The following COPS4 variants were observed in gnomAD, a reference collection of about 807,000 sequenced individuals.
COPS4 encodes COP9 signalosome complex subunit 4.
COPS4 carries 8 observed loss-of-function variants against 55.1 expected under a neutral mutation model. That is an observed-to-expected ratio of 0.15 (90% CI 0.09 to 0.26). The LOEUF (loss-of-function observed/expected upper bound fraction) is 0.26, where lower values mean the gene tolerates loss of function less well. COPS4 is among the 10% of genes least tolerant of loss of function. The probability of loss-of-function intolerance (pLI) is 1.00; values close to 1 mark genes in which losing one functional copy is unlikely to be tolerated. For missense variants in COPS4, 248 were observed against 484.0 expected (o/e 0.51, Z 4.58); for synonymous variants, 185 against 165.7 (o/e 1.12, Z -0.90).
At position 83,057,031 on chromosome 4, in the gene COPS4, G is replaced by A. The variant is rs755483795; in HGVS notation, c.516G>A (p.Ser172=). The A allele has an allele frequency of 3.0e-5, 49 of 1,613,872 alleles. No homozygotes were observed. The East Asian group carries it at 4.2e-4, about 14-fold the overall frequency. The change falls in exon 5 of 10, where the codon TCG becomes TCA. Residue 172 remains serine, a synonymous_variant. Transcript: ENST00000264389. ...VQAEAYINRA[S]LLQNESTNEQ... is the part of the protein sequence containing the mutation. The stretch of plus-strand genomic sequence containing the variant: ...CAGAGGCTTACATAAATCGAGCATC[G>A]TTGCTTCAGAATGAATCAACCAATG...
chr4:83,060,974 C>T (rs901616866), intron 6 of COPS4, among the ~76,000 whole-genome samples: 3 of 151,116 alleles, frequency 2.0e-5, no homozygotes, highest in African/African-American at 7.3e-5. Flanking sequence ...GCAGAGATTG[C>T]AGCGAGCTGA....
chr4:83,065,518 A>G (rs992581789), intron 7 of COPS4, among the ~76,000 whole-genome samples: 1 of 152,198 alleles, frequency 6.6e-6, no homozygotes, highest in African/African-American at 2.4e-5. Context: ...CTTCCCTTGA[A>G]GTCTCCAAGT....
intron 1 of COPS4, among the ~76,000 whole-genome samples, chr4:83,044,116 A>G (rs937038272): frequency 8.5e-5 from 13 of 152,220 alleles, no homozygotes; most frequent in Admixed American, 8.5e-4. Context: ...TTGCAATGCT[A>G]TGAGGTTTGT....
Position 83,075,477 on chromosome 4 carries a change from CA to C in COPS4, c.*48del. ...ACATGACATCTTTTTCCATGTTGTG[CA>C]GATCAGTTTCACTATCTCCAAAGCA... On this transcript the variant is annotated 3_prime_UTR_variant, in exon 10 of 10. Coordinates refer to ENST00000264389, the MANE Select transcript of COPS4 (RefSeq NM_016129.3). 6.2e-7 allele frequency: 1 copy of C among 1,607,712 alleles called. No individual in the cohort carries two copies. Among genetic ancestry groups the C allele is most frequent in the South Asian group, 1.1e-5 (1 of 90,298 alleles).
At position 83,035,197 on chromosome 4, in the gene COPS4, C is replaced by T. The variant is rs1363821079; in HGVS notation, c.-28C>T. 4.5e-6 allele frequency: 7 copies of T among 1,538,842 alleles called. No homozygotes were observed. The Admixed American group carries it at 5.2e-5, about 12-fold the overall frequency. ...TTTTCTTTTTGGCTGCCAGAGGCCC[C>T]CGCATCCACCGCTGAGCTGGGAGAA... On this transcript the variant is annotated 5_prime_UTR_variant, in exon 1 of 10. Transcript: ENST00000264389.
chr4:83,042,753 C>G (rs2126127902), intron 1 of COPS4, among the ~76,000 whole-genome samples: 1 of 152,132 alleles, frequency 6.6e-6, no homozygotes, highest in East Asian at 1.9e-4. Context: ...CAGGTGTGTG[C>G]CACAATGCCT....
At chr4:83,058,041 T>C (rs1023874646) in intron 6 of COPS4, among the ~76,000 whole-genome samples, 7 of 151,188 alleles carry the variant, frequency 4.6e-5, no homozygotes, top group Non-Finnish European at 8.8e-5. Context: ...AATCTATAGA[T>C]TGATGAAATG....
intron 4 of COPS4, among the ~76,000 whole-genome samples, chr4:83,050,881 G>C (rs1560437835): frequency 6.6e-6 from 1 of 152,090 alleles, no homozygotes; most frequent in Non-Finnish European, 1.5e-5. Flanking sequence ...GAAATGATCT[G>C]ACTTCTGTTT....
chr4:83,046,126 C>A (rs1730706178), intron 2 of COPS4, among the ~76,000 whole-genome samples: 1 of 151,546 alleles, frequency 6.6e-6, no homozygotes, highest in South Asian at 2.1e-4. Context: ...TAGTACAGTA[C>A]TGTACTTTGA....
intron 1 of COPS4, among the ~76,000 whole-genome samples, chr4:83,044,282 CA>C (rs1295053714): frequency 3.4e-5 from 5 of 147,874 alleles, no homozygotes; most frequent in Non-Finnish European, 7.4e-5. Context: ...CCATCTCTAC[CA>C]AAAATACAAA....
chr4:83,041,592 G>A (rs1004906275), intron 1 of COPS4, among the ~76,000 whole-genome samples: 4 of 151,836 alleles, frequency 2.6e-5, no homozygotes, highest in South Asian at 4.1e-4. Context: ...TCAGCCTCCC[G>A]TGTAGCTGGG....
intron 6 of COPS4, among the ~76,000 whole-genome samples, chr4:83,057,947 TAAAAG>T (rs1218307262): frequency 6.7e-6 from 1 of 149,660 alleles, no homozygotes; most frequent in Non-Finnish European, 1.5e-5. Flanking sequence ...AAAGAATAGT[TAAAAG>T]AGATAATATA....
chr4:83,064,942 C>T, intron 7 of COPS4: 1 of 169,666 alleles, frequency 5.9e-6, no homozygotes, highest in Middle Eastern at 3.6e-3. Flanking sequence ...CAGGCTGGCG[C>T]TGGCATGATG....
chr4:83,052,289 T>C lies in COPS4; in HGVS notation c.410+2305T>C, dbSNP rs534269990. ...AAAGCAAAAATTTGATATAGGGGAA[T>C]TGGGGAGAGGATTCTTGCAGGAGTA... On this transcript the variant is annotated intron_variant, in intron 4 of 9. Transcript: ENST00000264389. Among the ~76,000 whole-genome samples, 61 of 152,102 alleles carry C rather than the reference T, an allele frequency of 4.0e-4. 2 individuals carry two copies. In the South Asian group the frequency reaches 0.012, roughly 29 times the overall value.
At chr4:83,067,764 A>G (rs1731324323) in intron 8 of COPS4, among the ~76,000 whole-genome samples, 2 of 152,142 alleles carry the variant, frequency 1.3e-5, no homozygotes, top group African/African-American at 4.8e-5. Context: ...GGTTTAAGTT[A>G]CCATTAAAAG....
rs767561954 is a variant in COPS4, at chr4:83,035,194, C to T, written c.-31C>T. 1.6e-5 allele frequency: 25 copies of T among 1,528,270 alleles called. No individual in the cohort carries two copies. Among genetic ancestry groups the T allele is most frequent in the African/African-American group, 2.7e-5 (2 of 72,988 alleles). 94.7% of individuals were successfully genotyped at this position (1,528,270 alleles called of 1,614,324 possible). On this transcript the variant is annotated 5_prime_UTR_variant, in exon 1 of 10. Transcript: ENST00000264389. ...TCGTTTTCTTTTTGGCTGCCAGAGG[C>T]CCCCGCATCCACCGCTGAGCTGGGA...
chr4:83,070,070 A>G (rs1578722573), intron 9 of COPS4, among the ~76,000 whole-genome samples: 2 of 149,984 alleles, frequency 1.3e-5, no homozygotes, highest in East Asian at 2.0e-4. Context: ...TTGATCTCTC[A>G]CTACTTTTTG....
Position 83,075,370 on chromosome 4 carries a change from A to G in COPS4, c.1161A>G (p.Lys387=). 3.7e-6 allele frequency: 6 copies of G among 1,614,208 alleles called. No homozygotes were observed. The highest frequency in any genetic ancestry group is 4.5e-5 in the East Asian group (2 of 44,882). The change falls in exon 10 of 10, where the codon AAA becomes AAG. Residue 387 remains lysine (K), a synonymous_variant. Coordinates refer to ENST00000264389, the MANE Select transcript of COPS4 (RefSeq NM_016129.3). The stretch of plus-strand genomic sequence containing the variant: ...TCCAAGTGAATAACCTTTTGGAGAA[A>G]ATTAGTCAAACAGCACCAGAATGGA... ...LCFQVNNLLE[K]ISQTAPEWTA...
intron 1 of COPS4, among the ~76,000 whole-genome samples, chr4:83,041,203 C>T (rs1013679094): frequency 6.6e-6 from 1 of 151,484 alleles, no homozygotes; most frequent in African/African-American, 2.4e-5. Context: ...GCTGGGACTA[C>T]AGGCACACGC....
Sources: gnomAD v4.1 joint callset for allele counts (sites outside exome capture counted in the v4.1 genomes callset) on GRCh38, gnomAD v4.1.1 for gene constraint, MANE v1.5 for transcripts, NCBI Gene and HGNC (gene_info 2026-07-23, HGNC 2026-07-21) for gene names.